The following TANGO6 variants were observed in gnomAD, a reference collection of about 807,000 sequenced individuals.
TANGO6 encodes transport and golgi organization 6 homolog.
In TANGO6, 90 loss-of-function variants were observed where a neutral mutation model predicts 114.2. The observed-to-expected ratio is 0.79, with a 90% CI of 0.66 to 0.94. The LOEUF (loss-of-function observed/expected upper bound fraction) is 0.94, where lower values mean the gene tolerates loss of function less well. Ranked by LOEUF, TANGO6 falls within the 40% of genes least tolerant of loss-of-function variation. TANGO6 has a pLI of 0.00. For synonymous variants in TANGO6, 477 were observed against 509.8 expected, an observed-to-expected ratio of 0.94 and a Z score of 0.87; for missense variants, 1,274 against 1,315.3, an observed-to-expected ratio of 0.97 and a Z score of 0.49.
chr16:68,951,715 C>G (rs558466001), intron 14 of TANGO6, among the ~76,000 whole-genome samples: 2 of 151,896 alleles, frequency 1.3e-5, no homozygotes, highest in African/African-American at 4.8e-5. Flanking sequence ...CCGGTTCACA[C>G]CATTCTCCTG....
intron 15 of TANGO6, among the ~76,000 whole-genome samples, chr16:69,017,388 T>A (rs1309493967): frequency 2.6e-5 from 4 of 152,192 alleles, no homozygotes; most frequent in African/African-American, 9.7e-5. Context: ...TCTTTATCAT[T>A]TATTTTTAAC....
chr16:68,992,506 AT>A (rs933766275), intron 15 of TANGO6, among the ~76,000 whole-genome samples: 16 of 152,116 alleles, frequency 1.1e-4, no homozygotes, highest in Non-Finnish European at 1.5e-4. Flanking sequence ...GTTGGTTGCT[AT>A]TTTTTTGTTG....
chr16:68,859,475 CCTTTGTTCTGTTCAGTG>C (rs1035339964), intron 1 of TANGO6, among the ~76,000 whole-genome samples: 2 of 152,148 alleles, frequency 1.3e-5, no homozygotes, highest in African/African-American at 4.8e-5. Context: ...CTGGCCAGAG[CCTTTGTTCTGTTCAGTG>C]CTTTATCCCC....
rs1597034353 is a variant in TANGO6 at position 68,952,515 on chromosome 16, G to A, written c.2702-21513G>A. Among the ~76,000 whole-genome samples, 3 of 152,264 alleles carry A rather than the reference G, an allele frequency of 2.0e-5. No individual in the cohort carries two copies. The East Asian group carries it at 5.8e-4, about 29-fold the overall frequency. ...TTGAAGCTGTTCACACACTTAGTAA[G>A]CCCAATTATATTTTTTATTAACACT... On this transcript the variant is annotated intron_variant, in intron 14 of 17. Transcript: ENST00000261778.
intron 7 of TANGO6, among the ~76,000 whole-genome samples, chr16:68,887,357 C>G (rs1285533939): frequency 2.0e-5 from 3 of 152,194 alleles, no homozygotes; most frequent in Admixed American, 1.3e-4. Context: ...CTATCCTGAT[C>G]AGACTGCAGG....
rs569754494 is a variant in TANGO6, at chr16:68,863,027, G to A, written c.818G>A (p.Arg273Gln). The A allele has an allele frequency of 1.5e-5, 24 of 1,591,682 alleles. No homozygotes were observed. The highest frequency in any genetic ancestry group is 9.1e-5 in the East Asian group (4 of 44,064). ...CAAGTCTATCAGCCCTTAGCAGTCC[G>A]GGAACTGCTTATCCTCCAGGGAGGA... ...LDQVYQPLAVRELLILQGGPP... is the reference protein window; with the variant it reads ...LDQVYQPLAVQELLILQGGPP... The change falls in exon 3 of 18, where the codon CGG becomes CAG. Residue 273 changes from arginine (R) to glutamine (Q), a missense_variant. This residue lies in a region of TANGO6 where 908 missense variants were observed against 910.2 expected (regional missense o/e 1.00). Transcript: ENST00000261778.
chr16:68,979,279 G>A (rs1963799478), intron 15 of TANGO6, among the ~76,000 whole-genome samples: 1 of 152,012 alleles, frequency 6.6e-6, no homozygotes, highest in South Asian at 2.1e-4. Flanking sequence ...ATCCAGGCCG[G>A]AGTGCAGTGG....
At position 69,083,852 on chromosome 16, in the gene TANGO6, C is replaced by T; in HGVS notation, c.*191C>T. 1.7e-6 allele frequency: 1 copy of T among 579,776 alleles called. No individual in the cohort carries two copies. The highest frequency in any genetic ancestry group is 2.2e-5 in the South Asian group (1 of 44,794). 35.9% of individuals were successfully genotyped at this position (579,776 alleles called of 1,614,324 possible). On this transcript the variant is annotated 3_prime_UTR_variant, in exon 18 of 18. Transcript: ENST00000261778. ...GGCATGTGTTCAGCACTCCCGCGTT[C>T]AGCCTGAGGGGTGTACAGTTAAGAG...
chr16:68,942,687 A>G (rs1275242251), intron 14 of TANGO6, among the ~76,000 whole-genome samples: 1 of 152,188 alleles, frequency 6.6e-6, no homozygotes, highest in Non-Finnish European at 1.5e-5. Flanking sequence ...AAACACTTTC[A>G]TGTCAGGCCA....
At chr16:68,973,737 G>A in intron 14 of TANGO6, 1 of 401,194 alleles carries the variant, frequency 2.5e-6, no homozygotes, top group South Asian at 3.2e-5. Context: ...TACAGGAATG[G>A]AGAACTGCAG....
intron 1 of TANGO6, chr16:68,846,495 ATTCT>A (rs1353369774): frequency 1.4e-4 from 48 of 346,742 alleles, no homozygotes; most frequent in Non-Finnish European, 2.3e-4. Flanking sequence ...CTTTTATACG[ATTCT>A]TTCTTTTTTT....
chr16:69,045,026 G>C (rs1045135342), intron 17 of TANGO6, among the ~76,000 whole-genome samples: 1 of 151,844 alleles, frequency 6.6e-6, no homozygotes, highest in Non-Finnish European at 1.5e-5. Flanking sequence ...GGTGGATTTG[G>C]TGGCACACTT....
intron 16 of TANGO6, among the ~76,000 whole-genome samples, chr16:69,039,363 C>T (rs977667387): frequency 9.5e-5 from 14 of 147,710 alleles, no homozygotes; most frequent in Non-Finnish European, 1.3e-4. Flanking sequence ...AGGCTGGACA[C>T]GGTGGCTCAT....
chr16:68,867,189 A>G lies in TANGO6; in HGVS notation c.963A>G (p.Ala321=). Reference sequence around the variant, plus strand: ...TAATGAGACCTAATGGTGTTCAGGCAGTAGTCCGGGGCATTTTGGAAGGAG... The same window carrying G: ...TAATGAGACCTAATGGTGTTCAGGCGGTAGTCCGGGGCATTTTGGAAGGAG... ...ERLMRPNGVQ[A]VVRGILEGAG... Residue 321 remains alanine, a synonymous_variant, in exon 4 of 18, where the codon GCA becomes GCG. Coordinates refer to ENST00000261778, the MANE Select transcript of TANGO6 (RefSeq NM_024562.2). The G allele has an allele frequency of 2.5e-6, 4 of 1,613,906 alleles. No individual in the cohort carries two copies. The highest frequency in any genetic ancestry group is 1.7e-6 in the Non-Finnish European group (2 of 1,179,866).
At chr16:69,058,661 C>T (rs1450110048) in intron 17 of TANGO6, among the ~76,000 whole-genome samples, 1 of 152,108 alleles carries the variant, frequency 6.6e-6, no homozygotes, top group Admixed American at 6.6e-5. Context: ...CTTCCTTAAC[C>T]ATTGGACTTT....
chr16:68,979,392 A>C (rs985963189), intron 15 of TANGO6, among the ~76,000 whole-genome samples: 1 of 151,736 alleles, frequency 6.6e-6, no homozygotes, highest in South Asian at 2.1e-4. Flanking sequence ...ACTGCGTCCA[A>C]CTAATTTTTG....
At chr16:68,865,391 A>T (rs1962160873) in intron 3 of TANGO6, among the ~76,000 whole-genome samples, 1 of 152,192 alleles carries the variant, frequency 6.6e-6, no homozygotes, top group Non-Finnish European at 1.5e-5. Flanking sequence ...GCCTCTGAAA[A>T]GTACCCAACA....
At chr16:68,907,160 G>A (rs1962863288) in intron 9 of TANGO6, among the ~76,000 whole-genome samples, 1 of 147,304 alleles carries the variant, frequency 6.8e-6, no homozygotes, top group Admixed American at 6.9e-5. Flanking sequence ...TGTTAGCCAG[G>A]ATGGTTTTTG....
chr16:68,925,225 G>A (rs1473100272), intron 12 of TANGO6, among the ~76,000 whole-genome samples: 2 of 152,038 alleles, frequency 1.3e-5, no homozygotes, highest in African/African-American at 4.8e-5. Flanking sequence ...TGGGGGAATC[G>A]CTTGAACCTG....
Sources: allele counts gnomAD v4.1 joint callset (sites outside exome capture counted in the v4.1 genomes callset), GRCh38; gene constraint gnomAD v4.1.1; regional missense constraint gnomAD v4.1.1; transcripts MANE v1.5; gene names NCBI Gene and HGNC (gene_info 2026-07-23, HGNC 2026-07-21).